The following ZBTB7C variants were observed in gnomAD, a reference collection of about 807,000 sequenced individuals.
ZBTB7C encodes the protein zinc finger and BTB domain-containing protein 7C.
A neutral mutation model predicts 25.7 loss-of-function variants in ZBTB7C; 8 were observed. That is an observed-to-expected ratio of 0.31 (90% confidence interval 0.18 to 0.56). The LOEUF is 0.56. Ranked by LOEUF, ZBTB7C falls within the 20% of genes least tolerant of loss-of-function variation. The probability of loss-of-function intolerance (pLI) is 0.91; values close to 1 mark genes in which losing one functional copy is unlikely to be tolerated. For synonymous variants in ZBTB7C, 394 were observed against 369.0 expected, an observed-to-expected ratio of 1.07 and a Z score of -0.78; for missense variants, 824 against 855.2, an observed-to-expected ratio of 0.96 and a Z score of 0.46.
chr18:48,212,146 G>C (rs1178421640), intron 2 of ZBTB7C, among the ~76,000 whole-genome samples: 2 of 152,152 alleles, frequency 1.3e-5, no homozygotes, highest in African/African-American at 2.4e-5. Context: ...CTAGAGCCCA[G>C]GTGTTTGAGA....
At chr18:48,272,576 T>C (rs1267126628) in intron 2 of ZBTB7C, among the ~76,000 whole-genome samples, 1 of 152,182 alleles carries the variant, frequency 6.6e-6, no homozygotes, top group Non-Finnish European at 1.5e-5. Context: ...AATGGTGCAG[T>C]CACTTTGGGA....
intron 2 of ZBTB7C, among the ~76,000 whole-genome samples, chr18:48,199,723 T>C (rs552351789): frequency 6.6e-6 from 1 of 151,944 alleles, no homozygotes; most frequent in Admixed American, 6.6e-5. Context: ...AGGTTTCCTT[T>C]CTACAAATAC....
chr18:48,150,955 A>T (rs2040657955), intron 3 of ZBTB7C: 1 of 152,204 alleles, frequency 6.6e-6, no homozygotes, highest in Non-Finnish European at 1.5e-5. Flanking sequence ...GATGCTTACA[A>T]TGCAGACTCC....
At chr18:48,402,151 T>C (rs1378747564) in intron 1 of ZBTB7C, among the ~76,000 whole-genome samples, 1 of 151,898 alleles carries the variant, frequency 6.6e-6, no homozygotes, top group Admixed American at 6.6e-5. Flanking sequence ...GGAAACAAAG[T>C]CCTGGGCTCC....
Position 48,041,730 on chromosome 18 carries a change from A to C in ZBTB7C, c.-16-607T>G, listed in dbSNP as rs563411387. Among the ~76,000 whole-genome samples the C allele has an allele frequency of 2.0e-5, 3 of 148,638 alleles. No homozygotes were observed. In the East Asian group the frequency reaches 5.9e-4, roughly 29 times the overall value. On this transcript the variant is annotated intron_variant, in intron 3 of 4. Coordinates refer to ENST00000590800, the MANE Select transcript of ZBTB7C (RefSeq NM_001318841.2). ...AGTTGAAGTTTCCTTCCATTTGTAAATCTTGATCCTTTTTTTAAAAAAAAA... is the reference window on the plus strand; with the variant it reads ...AGTTGAAGTTTCCTTCCATTTGTAACTCTTGATCCTTTTTTTAAAAAAAAA...
chr18:48,383,023 T>C (rs1388982014), intron 1 of ZBTB7C, among the ~76,000 whole-genome samples: 1 of 152,304 alleles, frequency 6.6e-6, no homozygotes, highest in Non-Finnish European at 1.5e-5. Flanking sequence ...CCAGGCCACA[T>C]GTGAATTTTC....
intron 1 of ZBTB7C, among the ~76,000 whole-genome samples, chr18:48,358,693 C>T (rs72919581): frequency 0.11 from 16,971 of 152,232 alleles, 1,091 homozygotes; most frequent in Non-Finnish European, 0.14. Context: ...TCCCAAATTG[C>T]AGTAGCTGAG....
At chr18:48,325,998 G>A (rs2046209700) in intron 2 of ZBTB7C, among the ~76,000 whole-genome samples, 1 of 151,882 alleles carries the variant, frequency 6.6e-6, no homozygotes, top group Non-Finnish European at 1.5e-5. Flanking sequence ...ATCTTGGCAA[G>A]CATTTCGGTT....
At chr18:48,321,624 T>C (rs960307474) in intron 2 of ZBTB7C, among the ~76,000 whole-genome samples, 2 of 152,104 alleles carry the variant, frequency 1.3e-5, no homozygotes, top group Non-Finnish European at 2.9e-5. Flanking sequence ...GGACTTGGAA[T>C]GCATTTTTAT....
At chr18:48,357,564 C>T (rs1190579840) in intron 1 of ZBTB7C, among the ~76,000 whole-genome samples, 1 of 152,150 alleles carries the variant, frequency 6.6e-6, no homozygotes, top group Admixed American at 6.5e-5. Flanking sequence ...GTGTAGGACT[C>T]CTCAATTTGC....
intron 2 of ZBTB7C, among the ~76,000 whole-genome samples, chr18:48,207,417 A>G (rs2156650): frequency 0.45 from 68,874 of 152,034 alleles, 15,665 homozygotes; most frequent in Middle Eastern, 0.57. Context: ...CAAAATATCC[A>G]TCAACAATAA....
chr18:48,338,788 A>T (rs1430626064), intron 1 of ZBTB7C, among the ~76,000 whole-genome samples: 1 of 152,176 alleles, frequency 6.6e-6, no homozygotes, highest in Non-Finnish European at 1.5e-5. Flanking sequence ...GGAAAGAGAA[A>T]GGAGATGCAT....
At chr18:48,256,871 A>G (rs954860356) in intron 2 of ZBTB7C, among the ~76,000 whole-genome samples, 5 of 152,076 alleles carry the variant, frequency 3.3e-5, no homozygotes, top group African/African-American at 1.2e-4. Flanking sequence ...TAGGAAATAC[A>G]GGTAGTTAAC....
At chr18:48,224,603 G>C (rs1461324237) in intron 2 of ZBTB7C, among the ~76,000 whole-genome samples, 3 of 152,142 alleles carry the variant, frequency 2.0e-5, no homozygotes, top group Non-Finnish European at 2.9e-5. Context: ...CCAGAACTCT[G>C]TTCCAGTACT....
intron 2 of ZBTB7C, among the ~76,000 whole-genome samples, chr18:48,275,192 T>C (rs2044609128): frequency 6.6e-6 from 1 of 152,212 alleles, no homozygotes; most frequent in African/African-American, 2.4e-5. Flanking sequence ...ACTGGCAGAT[T>C]GTTTGCCTAA....
At chr18:48,387,979 A>G (rs2047790514) in intron 1 of ZBTB7C, among the ~76,000 whole-genome samples, 1 of 152,020 alleles carries the variant, frequency 6.6e-6, no homozygotes, top group South Asian at 2.1e-4. Flanking sequence ...GACACCCACC[A>G]CCACACCCAG....
At chr18:48,215,333 G>C (rs570446981) in intron 2 of ZBTB7C, among the ~76,000 whole-genome samples, 1 of 152,286 alleles carries the variant, frequency 6.6e-6, no homozygotes, top group East Asian at 1.9e-4. Context: ...GAGCCAAATG[G>C]GAAGACACAG....
chr18:48,294,103 C>A (rs79035950), intron 2 of ZBTB7C, among the ~76,000 whole-genome samples: 1 of 152,194 alleles, frequency 6.6e-6, no homozygotes, highest in Non-Finnish European at 1.5e-5. Context: ...AAGCTGCTGG[C>A]GTGGTTCAGC....
At position 48,039,887 on chromosome 18, in the gene ZBTB7C, C is replaced by A; in HGVS notation, c.1208+13G>T. Reference sequence around the variant, plus strand: ...TGGCCCCGTGCCCCACACCCGAGGGCTGCCATGCGCACCTGGTGAAGCGGA... The same window carrying A: ...TGGCCCCGTGCCCCACACCCGAGGGATGCCATGCGCACCTGGTGAAGCGGA... On this transcript the variant is annotated intron_variant, in intron 4 of 4. Transcript: ENST00000590800. The A allele has an allele frequency of 6.2e-7, 1 of 1,609,288 alleles. No homozygotes were observed.
Sources: allele counts gnomAD v4.1 joint callset (sites outside exome capture counted in the v4.1 genomes callset), GRCh38; gene constraint gnomAD v4.1.1; transcripts MANE v1.5; gene names NCBI Gene and HGNC (gene_info 2026-07-23, HGNC 2026-07-21).